SPTBN2: variants seen among roughly 807,000 people sequenced by gnomAD.
SPTBN2 encodes spectrin beta, non-erythrocytic 2, also known as spectrin beta chain, non-erythrocytic 2.
Under a neutral mutation model 284.2 loss-of-function variants are expected in SPTBN2, and 107 were observed. That is an observed-to-expected ratio of 0.38 (90% CI 0.32 to 0.44). SPTBN2 has a LOEUF of 0.44. SPTBN2 is among the 20% of genes least tolerant of loss of function. The pLI, the probability that SPTBN2 is intolerant of heterozygous loss-of-function variation, is 1.00. For synonymous variants in SPTBN2, 1,289 were observed against 1,354.8 expected, an observed-to-expected ratio of 0.95 and a Z score of 1.07; for missense variants, 2,569 against 3,287.1, an observed-to-expected ratio of 0.78 and a Z score of 5.34.
Position 66,684,229 on chromosome 11 carries a change from G to C in SPTBN2, c.*1642C>G, listed in dbSNP as rs570478823. On this transcript the variant is annotated 3_prime_UTR_variant, in exon 38 of 38. Transcript: ENST00000533211. The stretch of plus-strand genomic sequence containing the variant: ...TTTTCCTGTTGGAGGCCACCAAGGA[G>C]TGCCCACTTCCATCAACATCTGGAG... Among the ~76,000 whole-genome samples the C allele has an allele frequency of 2.2e-3, 330 of 152,326 alleles. No homozygotes were observed. Among genetic ancestry groups the C allele is most frequent in the African/African-American group, 7.3e-3 (304 of 41,566 alleles).
In SPTBN2 at chr11:66,696,291, GCAGGA is replaced by G; in HGVS notation, c.4259_4263del (p.Ile1420ThrfsTer79). ...CCACAGCACACCTGCTGCTTCTTGA[GCAGGA>G]TGTTGACGCTGGTGAGGTCCTTGCC... On this transcript the variant is annotated frameshift_variant, in exon 21 of 38. Coordinates refer to ENST00000533211, the MANE Select transcript of SPTBN2 (RefSeq NM_006946.4). LOFTEE classifies it high-confidence loss of function. 1 of 1,612,222 alleles carries G rather than the reference GCAGGA, an allele frequency of 6.2e-7. No individual in the cohort carries two copies. Among genetic ancestry groups the G allele is most frequent in the Non-Finnish European group, 8.5e-7 (1 of 1,180,018 alleles).
intron 1 of SPTBN2, 28 bp from the exon 2 acceptor site, chr11:66,721,468 A>AGAAAGTGAAGCAG: frequency 1.7e-6 from 1 of 602,068 alleles, no homozygotes; most frequent in Non-Finnish European, 3.0e-6. Flanking sequence ...TCAGAAGCAC[A>AGAAAGTGAAGCAG]GAAAGTGAAG....
chr11:66,714,156 A>G lies in SPTBN2; in HGVS notation c.591T>C (p.Asn197=). The change falls in exon 7 of 38, where the codon AAT becomes AAC. Residue 197 remains asparagine (N), a synonymous_variant. Coordinates refer to ENST00000533211, the MANE Select transcript of SPTBN2 (RefSeq NM_006946.4). ...TCCAGCTGGTGGTGAAGTTGTGTAC[A>G]TTGACGTTGGGATAACTATAAACAG... is the stretch of plus-strand genomic sequence containing the variant. ...QMKTAGYPNV[N]VHNFTTSWRD... 6.2e-7 allele frequency: 1 copy of G among 1,614,192 alleles called. No homozygotes were observed. The highest frequency in any genetic ancestry group is 8.5e-7 in the Non-Finnish European group (1 of 1,180,030).
Position 66,698,974 on chromosome 11 carries a change from G to C in SPTBN2, c.3867+18C>G. The C allele has an allele frequency of 6.2e-7, 1 of 1,614,034 alleles. No homozygotes were observed. ...AAGGGATGGCTAGGGAATATCCCGG[G>C]GCCCCAGGGAGCCTCACCTCGTGAC... is the stretch of plus-strand genomic sequence containing the variant. On this transcript the variant is annotated intron_variant, in intron 19 of 37. Transcript: ENST00000533211.
chr11:66,694,235 C>A lies in SPTBN2; in HGVS notation c.4407G>T (p.Lys1469Asn). 1 of 1,614,128 alleles carries A rather than the reference C, an allele frequency of 6.2e-7. No individual in the cohort carries two copies. Among genetic ancestry groups the A allele is most frequent in the Non-Finnish European group, 8.5e-7 (1 of 1,180,030 alleles). Reference protein sequence around the residue: ...VERTSRAVEEKFRALCQPMRE... With the variant: ...VERTSRAVEENFRALCQPMRE... ...GCATGGGCTGGCACAAGGCCCTGAA[C>A]TTCTCCTCCACGGCCCTCGAGGTTC... The change falls in exon 22 of 38, where the codon AAG (lysine) becomes AAT (asparagine). Residue 1469 changes from lysine (K) to asparagine (N), a missense_variant. Around this residue, in one of 6 missense-constraint regions of SPTBN2, gnomAD observed 1,130 missense variants for 1,317.3 expected, o/e 0.86. Coordinates refer to ENST00000533211, the MANE Select transcript of SPTBN2 (RefSeq NM_006946.4).
In SPTBN2 at chr11:66,686,327, A is replaced by T. The variant is rs537822598; in HGVS notation, c.6939+71T>A. The T allele has an allele frequency of 1.9e-6, 3 of 1,589,450 alleles. No individual in the cohort carries two copies. In the East Asian group the frequency reaches 6.7e-5, roughly 35 times the overall value. ...ACCAGGAAAAAGAGGGAGGACAGGGAAAGAAGGGGAGTCTGCAGCTGGAAG... is the reference window on the plus strand; with the variant it reads ...ACCAGGAAAAAGAGGGAGGACAGGGTAAGAAGGGGAGTCTGCAGCTGGAAG... On this transcript the variant is annotated intron_variant, in intron 37 of 37. Coordinates refer to ENST00000533211, the MANE Select transcript of SPTBN2 (RefSeq NM_006946.4).
In SPTBN2 at chr11:66,687,636, T is replaced by G. The variant is rs770250825; in HGVS notation, c.6513A>C (p.Ser2171=). 6 of 1,597,088 alleles carry G rather than the reference T, an allele frequency of 3.8e-6. No homozygotes were observed. The Admixed American group carries it at 1.0e-4, about 27-fold the overall frequency. ...SSFPEGPGPG[S]GDEANGPRGE... is the part of the protein sequence containing the mutation. Reference sequence around the variant, plus strand: ...CCCGGGGCCCATTGGCTTCGTCCCCTGAGCCAGGTCCCTGGGGGGGAATCA... The same window carrying G: ...CCCGGGGCCCATTGGCTTCGTCCCCGGAGCCAGGTCCCTGGGGGGGAATCA... The change falls in exon 35 of 38, where the codon TCA becomes TCC. Residue 2171 remains serine (S), a synonymous_variant. Coordinates refer to ENST00000533211, the MANE Select transcript of SPTBN2 (RefSeq NM_006946.4). This position sits in a 1 kb window ranked among gnomAD's most constrained non-coding sequence, Gnocchi z 5.2.
chr11:66,734,627 CA>C (rs764762437), intron 1 of SPTBN2, among the ~76,000 whole-genome samples: 21 of 152,210 alleles, frequency 1.4e-4, no homozygotes, highest in Non-Finnish European at 2.8e-4. Flanking sequence ...AAGTCTGGGA[CA>C]GGGGCATTCT....
Position 66,707,792 on chromosome 11 carries a change from A to G in SPTBN2, c.1377T>C (p.Ala459=). ...SQDNFGLELA[A]VEAAVRKHEA... is the part of the protein sequence containing the mutation. ...CGTGCTTCCGTACTGCTGCCTCGACAGCTGCCAGCTCCAGCCCAAAGTTGT... is the reference window on the plus strand; with the variant it reads ...CGTGCTTCCGTACTGCTGCCTCGACGGCTGCCAGCTCCAGCCCAAAGTTGT... The change falls in exon 13 of 38, where the codon GCT becomes GCC. Residue 459 remains alanine (A), a synonymous_variant. Coordinates refer to ENST00000533211, the MANE Select transcript of SPTBN2 (RefSeq NM_006946.4). This position sits in a 1 kb window ranked among gnomAD's most constrained non-coding sequence, Gnocchi z 4.9. 1 of 1,609,574 alleles carries G rather than the reference A, an allele frequency of 6.2e-7. No individual in the cohort carries two copies. Among genetic ancestry groups the G allele is most frequent in the Non-Finnish European group, 8.5e-7 (1 of 1,179,896 alleles).
intron 10 of SPTBN2, 35 bp from the exon 11 acceptor site, chr11:66,709,054 A>C: frequency 6.4e-7 from 1 of 1,570,370 alleles, no homozygotes; most frequent in Non-Finnish European, 8.8e-7. Context: ...TCAGAATTAA[A>C]GCCCACGAGG....
intron 15 of SPTBN2, among the ~76,000 whole-genome samples, chr11:66,702,515 G>A (rs1371118580): frequency 6.6e-6 from 1 of 152,108 alleles, no homozygotes; most frequent in Admixed American, 6.5e-5. Context: ...TCTGTGAAGG[G>A]CTTGATGGTA....
At chr11:66,690,324 CCAA>C in intron 27 of SPTBN2, 41 bp from the exon 28 acceptor site, 1 of 1,543,690 alleles carries the variant, frequency 6.5e-7, no homozygotes, top group Non-Finnish European at 8.7e-7. Context: ...GCGGGGGACT[CCAA>C]GGAGCCGCAG....
chr11:66,744,110 T>G (rs967271665), intron 1 of SPTBN2, among the ~76,000 whole-genome samples: 2 of 152,216 alleles, frequency 1.3e-5, no homozygotes, highest in Admixed American at 6.5e-5. Context: ...ATCCACTCGC[T>G]TCGGCCTCCA....
At chr11:66,711,292 G>A (rs1468169349) in intron 8 of SPTBN2, among the ~76,000 whole-genome samples, 2 of 152,196 alleles carry the variant, frequency 1.3e-5, no homozygotes, top group Non-Finnish European at 2.9e-5. Context: ...AGAGTTCCCC[G>A]TGGAGACCAA....
At position 66,688,191 on chromosome 11, in the gene SPTBN2, C is replaced by T. The variant is rs1940274862; in HGVS notation, c.6352G>A (p.Ala2118Thr). The change falls in exon 32 of 38, where the codon GCT (alanine) becomes ACT (threonine). Residue 2118 changes from alanine (A) to threonine (T), a missense_variant. Around this residue, in one of 6 missense-constraint regions of SPTBN2, gnomAD observed 1,130 missense variants for 1,317.3 expected, o/e 0.86. Coordinates refer to ENST00000533211, the MANE Select transcript of SPTBN2 (RefSeq NM_006946.4). ...PPGDLVGGQT[A>T]SDTTWDGTQP... ...CACCCGTCCCAGGTGGTGTCAGAAG[C>T]TGTCTGGCCGCCCACCAGGTCCCCT... 2 of 1,613,608 alleles carry T rather than the reference C, an allele frequency of 1.2e-6. No individual in the cohort carries two copies. The highest frequency in any genetic ancestry group is 1.7e-6 in the Non-Finnish European group (2 of 1,180,042).
intron 8 of SPTBN2, among the ~76,000 whole-genome samples, chr11:66,711,936 G>A (rs1471003746): frequency 1.3e-5 from 2 of 152,218 alleles, no homozygotes; most frequent in African/African-American, 4.8e-5. Flanking sequence ...GGAAAACAGG[G>A]AGAAAATGGC....
upstream of SPTBN2, among the ~76,000 whole-genome samples, chr11:66,731,687 C>T (rs1023240290): frequency 1.3e-5 from 2 of 152,206 alleles, no homozygotes; most frequent in Non-Finnish European, 2.9e-5. Context: ...CAAGAAGCCC[C>T]GACTTCCCTC....
chr11:66,721,289 G>A (rs778962652), intron 2 of SPTBN2, 27 bp from the exon 3 acceptor site: 3 of 1,611,834 alleles, frequency 1.9e-6, no homozygotes, highest in East Asian at 2.2e-5. Flanking sequence ...GCCAGTGAGG[G>A]GTGTCCAGGG....
intron 1 of SPTBN2, among the ~76,000 whole-genome samples, chr11:66,734,967 C>T (rs1942842192): frequency 6.6e-6 from 1 of 152,226 alleles, no homozygotes; most frequent in Admixed American, 6.5e-5. Flanking sequence ...GCACTGCCCT[C>T]TGCATAGGGA....
Sources: gnomAD v4.1 joint callset for allele counts (sites outside exome capture counted in the v4.1 genomes callset) on GRCh38, gnomAD v4.1.1 for gene constraint, gnomAD v4.1.1 regional missense constraint, Gnocchi (gnomAD v3.1) non-coding constraint, MANE v1.5 for transcripts, NCBI Gene and HGNC (gene_info 2026-07-23, HGNC 2026-07-21) for gene names.